The following ICA1 variants were observed in gnomAD, a reference collection of about 807,000 sequenced individuals.
The protein encoded by ICA1 is islet cell autoantigen 1, also known as 69 kDa islet cell autoantigen.
In ICA1, 40 loss-of-function variants were observed where a neutral mutation model predicts 71.0. The ratio of observed to expected loss-of-function variants is 0.56; its 90% CI spans 0.44 to 0.73. The LOEUF is 0.73. Among genes scored for constraint, ICA1 ranks in the 30% least tolerant of loss-of-function variants. ICA1 has a pLI of 0.00. For synonymous variants in ICA1, 207 were observed against 209.5 expected (o/e 0.99, Z 0.10); for missense variants, 578 against 576.5 (o/e 1.00, Z -0.03).
intron 6 of ICA1, among the ~76,000 whole-genome samples, chr7:8,196,588 C>T (rs769658128): frequency 6.6e-6 from 1 of 152,070 alleles, no homozygotes; most frequent in Non-Finnish European, 1.5e-5. Context: ...GTGAGGGAGG[C>T]TGTGTGTATG....
chr7:8,174,342 G>T (rs150918982), intron 6 of ICA1, among the ~76,000 whole-genome samples: 4 of 152,076 alleles, frequency 2.6e-5, no homozygotes, highest in African/African-American at 9.7e-5. Context: ...AATATAAATA[G>T]TTGTAGTAAT....
At chr7:8,146,718 C>CGTGT (rs34156062) in intron 8 of ICA1, among the ~76,000 whole-genome samples, 1 of 145,076 alleles carries the variant, frequency 6.9e-6, no homozygotes, top group African/African-American at 2.6e-5. Flanking sequence ...AAGTCAGGCA[C>CGTGT]GTGTGTGCGT....
intron 9 of ICA1, 134 bp from the exon 10 acceptor site, chr7:8,141,951 C>A: frequency 6.8e-7 from 1 of 1,475,800 alleles, no homozygotes; most frequent in Admixed American, 2.0e-5. Flanking sequence ...GAAGAAGGGT[C>A]AACATATAGT....
At chr7:8,115,045 G>C (rs1487211910) in intron 13 of ICA1, 1 of 152,192 alleles carries the variant, frequency 6.6e-6, no homozygotes, top group Admixed American at 6.5e-5. Flanking sequence ...GATTATATCA[G>C]TATAAACAGG....
chr7:8,166,217 A>G (rs868257136), intron 6 of ICA1, among the ~76,000 whole-genome samples: 1 of 152,116 alleles, frequency 6.6e-6, no homozygotes, highest in Non-Finnish European at 1.5e-5. Context: ...AGAACCTTCA[A>G]TTTACTTCTT....
At chr7:8,141,567 G>A (rs1341076630) in intron 10 of ICA1, among the ~76,000 whole-genome samples, 198 bp downstream of exon 10, 1 of 152,176 alleles carries the variant, frequency 6.6e-6, no homozygotes, top group Non-Finnish European at 1.5e-5. Flanking sequence ...ACAATACACA[G>A]CCTCTCTCAG....
At chr7:8,221,559 T>C (rs185205195) in intron 4 of ICA1, among the ~76,000 whole-genome samples, 161 bp from the exon 5 acceptor site, 1 of 152,332 alleles carries the variant, frequency 6.6e-6, no homozygotes, top group Admixed American at 6.5e-5. Flanking sequence ...CTACCCCCCA[T>C]TTAACTTTCA....
intron 6 of ICA1, among the ~76,000 whole-genome samples, chr7:8,205,078 C>CAAA (rs56223249): frequency 2.7e-5 from 3 of 109,650 alleles, no homozygotes; most frequent in African/African-American, 1.1e-4. Context: ...GGAAGACATG[C>CAAA]AAAAAAAAAA....
rs1787935316 is a variant in ICA1, at chr7:8,123,748, G to A, written c.1330+4125C>T. Among the ~76,000 whole-genome samples, 1 of 152,178 alleles carries A rather than the reference G, an allele frequency of 6.6e-6. No individual in the cohort carries two copies. The highest frequency in any genetic ancestry group is 1.5e-5 in the Non-Finnish European group (1 of 68,026). ...GTGTCATTACAAGTCCTGCCCCTCT[G>A]ACGGCTTCCTAAGAGAGGTCTGAAG... On this transcript the variant is annotated intron_variant, in intron 13 of 13. Coordinates refer to ENST00000402384, the MANE Select transcript of ICA1 (RefSeq NM_001136020.3). This position sits in a 1 kb window ranked among gnomAD's most constrained non-coding sequence, Gnocchi z 4.1.
chr7:8,206,032 A>G (rs978644752), intron 6 of ICA1, among the ~76,000 whole-genome samples: 7 of 150,142 alleles, frequency 4.7e-5, no homozygotes, highest in African/African-American at 1.5e-4. Flanking sequence ...CTTTTTTGGG[A>G]AAGGATTTTC....
intron 1 of ICA1, among the ~76,000 whole-genome samples, chr7:8,239,892 A>C (rs1803178485): frequency 6.6e-6 from 1 of 152,230 alleles, no homozygotes; most frequent in Admixed American, 6.5e-5. Context: ...CAAAGCGGCC[A>C]GGGAAGCTTG....
chr7:8,153,802 T>C (rs1178704944), intron 8 of ICA1, among the ~76,000 whole-genome samples: 2 of 148,388 alleles, frequency 1.3e-5, no homozygotes, highest in Non-Finnish European at 3.0e-5. Context: ...TTAGCATCAA[T>C]ATAAAATAAA....
chr7:8,132,317 G>A lies in ICA1; in HGVS notation c.1061-4175C>T, dbSNP rs1044025176. On this transcript the variant is annotated intron_variant, in intron 12 of 13. Coordinates refer to ENST00000402384, the MANE Select transcript of ICA1 (RefSeq NM_001136020.3). This position sits in a 1 kb window ranked among gnomAD's most constrained non-coding sequence, Gnocchi z 4.5. ...TTTCCAATGCTTCCTTCCCCTAGCC[G>A]CAGGAGATGTGTGCCTATCTCAACA... Among the ~76,000 whole-genome samples, 3 of 151,920 alleles carry A rather than the reference G, an allele frequency of 2.0e-5. No individual in the cohort carries two copies. The highest frequency in any genetic ancestry group is 7.3e-5 in the African/African-American group (3 of 41,342).
intron 6 of ICA1, among the ~76,000 whole-genome samples, chr7:8,196,979 C>T (rs1490759156): frequency 6.6e-6 from 1 of 152,140 alleles, no homozygotes; most frequent in African/African-American, 2.4e-5. Flanking sequence ...GATTGTGAGG[C>T]CTCCCCAGCC....
At chr7:8,250,020 A>C (rs1480198800) in intron 1 of ICA1, among the ~76,000 whole-genome samples, 7 of 152,248 alleles carry the variant, frequency 4.6e-5, no homozygotes, top group Admixed American at 4.6e-4. Context: ...CTGAGAGCAC[A>C]AAGCCAATAG....
chr7:8,231,597 T>C (rs1800290889), intron 3 of ICA1, among the ~76,000 whole-genome samples: 3 of 152,186 alleles, frequency 2.0e-5, no homozygotes, highest in Admixed American at 2.0e-4. Context: ...CTGGGTATAG[T>C]TCTCCTAAAG....
chr7:8,210,970 C>T (rs777524730), intron 6 of ICA1, among the ~76,000 whole-genome samples: 1 of 152,028 alleles, frequency 6.6e-6, no homozygotes, highest in South Asian at 2.1e-4. Context: ...ACTCCTGAGA[C>T]AGTCAGGCAC....
intron 6 of ICA1, among the ~76,000 whole-genome samples, chr7:8,186,404 G>A (rs1165366719): frequency 6.6e-6 from 1 of 152,182 alleles, no homozygotes; most frequent in Non-Finnish European, 1.5e-5. Context: ...AGGAGAGTGG[G>A]CTGGGTTTGT....
chr7:8,141,305 C>A (rs555886628), intron 10 of ICA1, among the ~76,000 whole-genome samples: 1 of 152,310 alleles, frequency 6.6e-6, no homozygotes, highest in East Asian at 1.9e-4. Flanking sequence ...CAGGCTGAGG[C>A]ATCAGCTGGC....
Sources: gnomAD v4.1 joint callset for allele counts (sites outside exome capture counted in the v4.1 genomes callset) on GRCh38, gnomAD v4.1.1 for gene constraint, Gnocchi (gnomAD v3.1) non-coding constraint, MANE v1.5 for transcripts, NCBI Gene and HGNC (gene_info 2026-07-23, HGNC 2026-07-21) for gene names.